The following POGLUT1 variants were observed in gnomAD, a reference collection of about 807,000 sequenced individuals.
The protein encoded by POGLUT1 is protein O-glucosyltransferase 1, also known as 9630046K23Rik.
A neutral mutation model predicts 61.3 loss-of-function variants in POGLUT1; 32 were observed. The observed-to-expected ratio is 0.52, with a 90% CI of 0.39 to 0.70. The LOEUF (loss-of-function observed/expected upper bound fraction) is 0.70. Among genes scored for constraint, POGLUT1 ranks in the 30% least tolerant of loss-of-function variants. The pLI, the probability that POGLUT1 is intolerant of heterozygous loss-of-function variation, is 0.00. For synonymous variants in POGLUT1, 158 were observed against 158.2 expected (o/e 1.00, Z 0.01); for missense variants, 411 against 469.8 (o/e 0.87, Z 1.16).
At chr3:119,478,404 C>T (rs2081565451) in intron 4 of POGLUT1, 1 of 456,734 alleles carries the variant, frequency 2.2e-6, no homozygotes, top group Non-Finnish European at 4.4e-6. Context: ...GGTCTAGCCT[C>T]ATTTCTCGAA....
intron 1 of POGLUT1, 162 bp downstream of exon 1, chr3:119,469,268 C>T (rs551636945): frequency 2.4e-5 from 15 of 637,152 alleles, no homozygotes; most frequent in Non-Finnish European, 3.9e-5. Flanking sequence ...AGTGAGGTGC[C>T]GGGGTCTCTG....
chr3:119,487,496 AG>A (rs771831758), intron 7 of POGLUT1, among the ~76,000 whole-genome samples: 28 of 152,302 alleles, frequency 1.8e-4, no homozygotes, highest in Non-Finnish European at 2.9e-4. Context: ...CTGAGGCAGG[AG>A]AATCGCTTGA....
chr3:119,473,801 C>T (rs1359974076), intron 3 of POGLUT1, among the ~76,000 whole-genome samples: 2 of 151,924 alleles, frequency 1.3e-5, no homozygotes, highest in Non-Finnish European at 2.9e-5. Flanking sequence ...GCTGGGACTA[C>T]AGGCGCCCGC....
In POGLUT1 at chr3:119,492,310, C is replaced by A; in HGVS notation, c.1051C>A (p.Gln351Lys). Residue 351 changes from glutamine to lysine, a missense_variant, in exon 11 of 11, where the codon CAG becomes AAG. Coordinates refer to ENST00000295588, the MANE Select transcript of POGLUT1 (RefSeq NM_152305.3). ...AAGCCAGTTTATTAGGAACCATTTGCAGATGGATGACATCACCTGTTACTG... is the reference window on the plus strand; with the variant it reads ...AAGCCAGTTTATTAGGAACCATTTGAAGATGGATGACATCACCTGTTACTG... ...RGSQFIRNHLQMDDITCYWEN... is the reference protein window; with the variant it reads ...RGSQFIRNHLKMDDITCYWEN... The A allele has an allele frequency of 6.2e-7, 1 of 1,607,802 alleles. No individual in the cohort carries two copies. Among genetic ancestry groups the A allele is most frequent in the Non-Finnish European group, 8.5e-7 (1 of 1,177,030 alleles).
At chr3:119,484,456 A>G (rs2081642563) in intron 5 of POGLUT1, among the ~76,000 whole-genome samples, 1 of 152,226 alleles carries the variant, frequency 6.6e-6, no homozygotes, top group Non-Finnish European at 1.5e-5. Context: ...CAGTTTCAGT[A>G]AGGAAGGCTG....
chr3:119,487,629 T>C (rs1055455409), intron 7 of POGLUT1, among the ~76,000 whole-genome samples: 1 of 152,004 alleles, frequency 6.6e-6, no homozygotes, highest in Admixed American at 6.6e-5. Flanking sequence ...AATAAAAACT[T>C]TATGGGCACT....
chr3:119,470,815 T>A (rs1392046476), intron 2 of POGLUT1, among the ~76,000 whole-genome samples: 1 of 152,236 alleles, frequency 6.6e-6, no homozygotes, highest in Non-Finnish European at 1.5e-5. Context: ...ATTGAAAACT[T>A]ACTATGCACT....
In POGLUT1 at chr3:119,469,872, C is replaced by T. The variant is rs759022079; in HGVS notation, c.138C>T (p.Tyr46=). ...AAATTAACAGGTCTTTGGAGAATTA[C>T]GAACCATGTTCAAGTCAAAACTGCA... ...IDQINRSLEN[Y]EPCSSQNCSC... The change falls in exon 2 of 11, where the codon TAC becomes TAT. Residue 46 remains tyrosine (Y), a synonymous_variant. Coordinates refer to ENST00000295588, the MANE Select transcript of POGLUT1 (RefSeq NM_152305.3). The T allele has an allele frequency of 1.2e-6, 2 of 1,608,558 alleles. No homozygotes were observed. Among genetic ancestry groups the T allele is most frequent in the African/African-American group, 1.3e-5 (1 of 74,904 alleles).
chr3:119,490,401 A>G, intron 8 of POGLUT1, 150 bp from the exon 9 acceptor site: 1 of 692,648 alleles, frequency 1.4e-6, no homozygotes, highest in Non-Finnish European at 2.5e-6. Context: ...CCACTTAGGA[A>G]CATATTAATG....
intron 5 of POGLUT1, among the ~76,000 whole-genome samples, 154 bp from the exon 6 acceptor site, chr3:119,485,174 G>C (rs539837850): frequency 2.3e-4 from 35 of 151,312 alleles, no homozygotes; most frequent in African/African-American, 8.5e-4. Flanking sequence ...CCAAGATCGC[G>C]CCACTGCACT....
In POGLUT1 at chr3:119,492,519, A is replaced by T. The variant is rs11922005; in HGVS notation, c.*81A>T. 0.044 allele frequency: 40,182 copies of T among 914,456 alleles called. 3,370 individuals carry two copies. Among genetic ancestry groups the T allele is most frequent in the African/African-American group, 0.32 (18,704 of 59,356 alleles). 56.6% of individuals were successfully genotyped at this position (914,456 alleles called of 1,614,324 possible). A position where few individuals can be genotyped will look rare whatever the true frequency, so the allele number is the denominator to read the frequency against. ...GTGAGAAGCTTACCATAAGCTTGGC[A>T]CCTATACCTTGAATATCTGCTATCA... On this transcript the variant is annotated 3_prime_UTR_variant, in exon 11 of 11. Transcript: ENST00000295588.
In POGLUT1 at chr3:119,493,273, T is replaced by TTCACAC. The variant is rs1190732588; in HGVS notation, c.*838_*843dup. 1 of 152,338 alleles carries TTCACAC rather than the reference T, an allele frequency of 6.6e-6. No individual in the cohort carries two copies. Among genetic ancestry groups the TTCACAC allele is most frequent in the Admixed American group, 6.5e-5 (1 of 15,280 alleles). The allele number at this position is 152,338 out of a possible 1,614,324, so 9.4% of individuals were successfully genotyped here. A position where few individuals can be genotyped will look rare whatever the true frequency, so the allele number is the denominator to read the frequency against. On this transcript the variant is annotated 3_prime_UTR_variant, in exon 11 of 11. Coordinates refer to ENST00000295588, the MANE Select transcript of POGLUT1 (RefSeq NM_152305.3). ...CTTAAATTGGCCACAGCAGGGGTCA[T>TTCACAC]TCACACTCTCACTGTCTTGCAGGAA...
rs79206990 is a variant in POGLUT1, at chr3:119,478,520, A to G, written c.456+1072A>G. The G allele has an allele frequency of 9.3e-4, 394 of 425,108 alleles. 1 individual carries two copies. The highest frequency in any genetic ancestry group is 7.2e-3 in the African/African-American group (351 of 48,552). 26.3% of individuals were successfully genotyped at this position (425,108 alleles called of 1,614,324 possible). ...TGTTTGTTATCTATCTGTTGTTTCT[A>G]TGGATAATAAAGTATGACCGTCGGT... On this transcript the variant is annotated intron_variant, in intron 4 of 10. Transcript: ENST00000295588.
chr3:119,491,342 G>T lies in POGLUT1; in HGVS notation c.966-176G>T, dbSNP rs35255802. ...AGGGTATCTTTAATCAGTGTGTGGG[G>T]GTTTTTTTTTGTTATTATTTTGTTC... is the stretch of plus-strand genomic sequence containing the variant. On this transcript the variant is annotated intron_variant, in intron 9 of 10. Coordinates refer to ENST00000295588, the MANE Select transcript of POGLUT1 (RefSeq NM_152305.3). 0.14 allele frequency among the ~76,000 whole-genome samples: 21,272 copies of T among 148,670 alleles called. 1,880 individuals are homozygous for T. The highest frequency in any genetic ancestry group is 0.19 in the Non-Finnish European group (12,960 of 66,870).
intron 5 of POGLUT1, 78 bp downstream of exon 5, chr3:119,480,250 T>TA: frequency 1.6e-6 from 2 of 1,236,180 alleles, no homozygotes; most frequent in South Asian, 1.7e-5. Flanking sequence ...ACCAATTATT[T>TA]ACTTTTTTTT....
chr3:119,488,882 A>G, intron 7 of POGLUT1, 47 bp from the exon 8 acceptor site: 1 of 1,037,932 alleles, frequency 9.6e-7, no homozygotes, highest in East Asian at 2.4e-5. Context: ...AGTGATCACA[A>G]TAAATGCTGT....
At chr3:119,486,563 A>G (rs1294320943) in intron 6 of POGLUT1, among the ~76,000 whole-genome samples, 2 of 152,154 alleles carry the variant, frequency 1.3e-5, no homozygotes, top group Non-Finnish European at 2.9e-5. Flanking sequence ...GGATTTGACT[A>G]TAGTGACCTG....
intron 7 of POGLUT1, among the ~76,000 whole-genome samples, chr3:119,487,195 A>C (rs1245382483): frequency 3.9e-5 from 6 of 152,240 alleles, no homozygotes; most frequent in Admixed American, 1.3e-4. Flanking sequence ...AGGGCCAAAT[A>C]GTAAATGTTG....
chr3:119,474,342 T>C (rs1026029154), intron 3 of POGLUT1, among the ~76,000 whole-genome samples: 1 of 152,224 alleles, frequency 6.6e-6, no homozygotes, highest in Non-Finnish European at 1.5e-5. Flanking sequence ...TAAGTCTTCA[T>C]GTATGTTTAT....
Sources: gnomAD v4.1 joint callset for allele counts (sites outside exome capture counted in the v4.1 genomes callset) on GRCh38, gnomAD v4.1.1 for gene constraint, MANE v1.5 for transcripts, NCBI Gene and HGNC (gene_info 2026-07-23, HGNC 2026-07-21) for gene names.